NR6A1: variants seen among roughly 807,000 people sequenced by gnomAD.
The protein encoded by NR6A1 is retinoic acid receptor-related testis-associated receptor.
NR6A1 carries 7 observed loss-of-function variants against 59.1 expected under a neutral mutation model. The observed-to-expected ratio is 0.12, with a 90% CI of 0.07 to 0.22. The LOEUF is 0.22. NR6A1 is among the 10% of genes least tolerant of loss of function. The probability of loss-of-function intolerance (pLI) is 1.00; values close to 1 mark genes in which losing one functional copy is unlikely to be tolerated. For missense variants in NR6A1, 468 were observed against 611.6 expected, an observed-to-expected ratio of 0.77 and a Z score of 2.48; for synonymous variants, 243 against 236.1, an observed-to-expected ratio of 1.03 and a Z score of -0.27.
intron 2 of NR6A1, among the ~76,000 whole-genome samples, chr9:124,693,477 C>T (rs1351046580): frequency 6.6e-6 from 1 of 152,218 alleles, no homozygotes; most frequent in African/African-American, 2.4e-5. Flanking sequence ...TGGCGCAGTG[C>T]TACCTGTGAG....
intron 2 of NR6A1, among the ~76,000 whole-genome samples, chr9:124,676,876 A>G (rs1837980215): frequency 6.6e-6 from 1 of 152,222 alleles, no homozygotes; most frequent in South Asian, 2.1e-4. Flanking sequence ...AGAACCTTTA[A>G]AATTCGTGAC....
At chr9:124,578,602 C>T (rs1834673861) in intron 2 of NR6A1, among the ~76,000 whole-genome samples, 1 of 152,188 alleles carries the variant, frequency 6.6e-6, no homozygotes, top group Admixed American at 6.5e-5. Flanking sequence ...TGGCTTATGC[C>T]ACCATCATCT....
intron 8 of NR6A1, among the ~76,000 whole-genome samples, chr9:124,525,460 T>G (rs1832907525): frequency 6.6e-6 from 1 of 152,058 alleles, no homozygotes; most frequent in South Asian, 2.1e-4. Flanking sequence ...GCTCAATAGA[T>G]TCTCCCACCT....
chr9:124,614,895 G>T (rs912281998), intron 2 of NR6A1, among the ~76,000 whole-genome samples: 1 of 152,174 alleles, frequency 6.6e-6, no homozygotes, highest in South Asian at 2.1e-4. Flanking sequence ...ATCCTTGCAA[G>T]CCTATTCCTG....
chr9:124,660,114 G>A (rs1043257831), intron 2 of NR6A1, among the ~76,000 whole-genome samples: 6 of 152,152 alleles, frequency 3.9e-5, no homozygotes, highest in Admixed American at 1.3e-4. Flanking sequence ...ATGCTATAAA[G>A]ATAACTATGC....
intron 2 of NR6A1, among the ~76,000 whole-genome samples, chr9:124,584,035 T>C (rs1834848254): frequency 6.6e-6 from 1 of 151,940 alleles, no homozygotes; most frequent in Non-Finnish European, 1.5e-5. Flanking sequence ...GAGCAATCAC[T>C]AGTGAACATC....
intron 2 of NR6A1, among the ~76,000 whole-genome samples, chr9:124,614,285 A>G (rs868609337): frequency 3.9e-5 from 6 of 152,130 alleles, no homozygotes; most frequent in Non-Finnish European, 2.9e-5. Context: ...AAAATTACCC[A>G]AAGCCAGGGA....
At chr9:124,563,339 G>C (rs556989702) in intron 2 of NR6A1, among the ~76,000 whole-genome samples, 23 of 152,254 alleles carry the variant, frequency 1.5e-4, no homozygotes, top group South Asian at 6.2e-4. Context: ...GTGTGCAGTG[G>C]AGTACTGGAT....
intron 9 of NR6A1, among the ~76,000 whole-genome samples, chr9:124,523,149 C>CA (rs1310696759): frequency 3.3e-5 from 5 of 152,156 alleles, no homozygotes; most frequent in African/African-American, 1.2e-4. Flanking sequence ...ACAGGTAGTC[C>CA]AAAAAACTTC....
chr9:124,562,443 C>T (rs1402283908), intron 2 of NR6A1, among the ~76,000 whole-genome samples: 3 of 151,370 alleles, frequency 2.0e-5, no homozygotes, highest in African/African-American at 4.9e-5. Context: ...TTTTTGGATA[C>T]AGGGTTCATT....
At chr9:124,595,462 C>T (rs1014062002) in intron 2 of NR6A1, among the ~76,000 whole-genome samples, 4 of 152,144 alleles carry the variant, frequency 2.6e-5, no homozygotes, top group African/African-American at 7.2e-5. Flanking sequence ...TGTACTGACA[C>T]GTATATTTAA....
chr9:124,689,173 T>C (rs1430630173), intron 2 of NR6A1, among the ~76,000 whole-genome samples: 1 of 152,214 alleles, frequency 6.6e-6, no homozygotes, highest in Non-Finnish European at 1.5e-5. Flanking sequence ...TTTATTAACA[T>C]AGAAATAATA....
chr9:124,701,926 T>C (rs926391797), intron 2 of NR6A1, among the ~76,000 whole-genome samples: 1 of 152,166 alleles, frequency 6.6e-6, no homozygotes, highest in Admixed American at 6.5e-5. Flanking sequence ...GGTTTCACTA[T>C]GTTGGCCAGG....
chr9:124,747,187 CTT>C lies in NR6A1; in HGVS notation c.101-13840_101-13839del, dbSNP rs35429356. On this transcript the variant is annotated intron_variant, in intron 1 of 9. Transcript: ENST00000487099. ...AGATGATTATACAGACCTTGTCTGA[CTT>C]TTTTTTTTTTTTTTTTTTGAGACAG... Among the ~76,000 whole-genome samples the C allele has an allele frequency of 4.5e-4, 55 of 122,468 alleles. 1 individual carries two copies. The highest frequency in any genetic ancestry group is 1.5e-3 in the African/African-American group (48 of 32,556). The allele number at this position is 122,468 out of a possible 152,430, so 80.3% of individuals were successfully genotyped here.
At chr9:124,592,389 T>G (rs952073233) in intron 2 of NR6A1, among the ~76,000 whole-genome samples, 1 of 152,230 alleles carries the variant, frequency 6.6e-6, no homozygotes, top group Non-Finnish European at 1.5e-5. Flanking sequence ...AAAATGTCCA[T>G]TAAAATAATC....
chr9:124,700,061 G>A (rs759730219), intron 2 of NR6A1, among the ~76,000 whole-genome samples: 1 of 152,048 alleles, frequency 6.6e-6, no homozygotes, highest in Non-Finnish European at 1.5e-5. Flanking sequence ...TGTTGGCCTG[G>A]CTGGTCTCAA....
chr9:124,669,226 T>C (rs1468547326), intron 2 of NR6A1, among the ~76,000 whole-genome samples: 1 of 152,248 alleles, frequency 6.6e-6, no homozygotes, highest in Non-Finnish European at 1.5e-5. Context: ...TTAAGATGCA[T>C]AAAAATCAAT....
rs555963337 is a variant in NR6A1, at chr9:124,584,396, G to A, written c.143-29826C>T. 1.1e-4 allele frequency among the ~76,000 whole-genome samples: 17 copies of A among 152,116 alleles called. No homozygotes were observed. The South Asian group carries it at 1.5e-3, about 13-fold the overall frequency. On this transcript the variant is annotated intron_variant, in intron 2 of 9. Transcript: ENST00000487099. The stretch of plus-strand genomic sequence containing the variant: ...CTGGGATTACAGTGTGAGCCACCGC[G>A]CCCAGCCACTTTATTGCATTTTTTA...
intron 2 of NR6A1, among the ~76,000 whole-genome samples, chr9:124,654,875 T>TGTAC (rs376956125): frequency 8.1e-6 from 1 of 123,876 alleles, no homozygotes; most frequent in Non-Finnish European, 1.7e-5. Flanking sequence ...TTTTTTTTTG[T>TGTAC]ACACACACAC....
Sources: gnomAD v4.1 joint callset for allele counts (sites outside exome capture counted in the v4.1 genomes callset) on GRCh38, gnomAD v4.1.1 for gene constraint, MANE v1.5 for transcripts, NCBI Gene and HGNC (gene_info 2026-07-23, HGNC 2026-07-21) for gene names.